The following PAK2 variants were observed in gnomAD, a reference collection of about 807,000 sequenced individuals.
The protein encoded by PAK2 is p21 (RAC1) activated kinase 2.
Under a neutral mutation model 65.9 loss-of-function variants are expected in PAK2, and 21 were observed. The ratio of observed to expected loss-of-function variants is 0.32; its 90% confidence interval spans 0.23 to 0.46. The LOEUF (loss-of-function observed/expected upper bound fraction) is 0.46. PAK2 is among the 20% of genes least tolerant of loss of function. PAK2 has a pLI of 1.00. For missense variants in PAK2, 324 were observed against 642.6 expected (o/e 0.50, Z 5.36); for synonymous variants, 204 against 219.7 (o/e 0.93, Z 0.63).
intron 12 of PAK2, among the ~76,000 whole-genome samples, chr3:196,818,520 C>T (rs903453276): frequency 6.6e-6 from 1 of 152,150 alleles, no homozygotes; most frequent in Non-Finnish European, 1.5e-5. Flanking sequence ...GTGTGCACCA[C>T]CACACCCAGC....
chr3:196,760,214 G>A (rs1350158698), intron 1 of PAK2, among the ~76,000 whole-genome samples: 1 of 152,156 alleles, frequency 6.6e-6, no homozygotes, highest in East Asian at 1.9e-4. Context: ...CTCTTAAGTA[G>A]CTGGGATGGT....
At chr3:196,795,474 AAAC>A (rs1246377553) in intron 2 of PAK2, among the ~76,000 whole-genome samples, 8 of 152,030 alleles carry the variant, frequency 5.3e-5, no homozygotes, top group East Asian at 3.9e-4. Flanking sequence ...TTCAAACCAA[AAAC>A]AACAACAACA....
intron 13 of PAK2, among the ~76,000 whole-genome samples, chr3:196,822,651 T>TA (rs1299068083): frequency 3.9e-5 from 6 of 152,206 alleles, no homozygotes; most frequent in South Asian, 4.2e-4. Flanking sequence ...AGTGAGCTGT[T>TA]ATCACATCAC....
chr3:196,812,372 C>T, intron 9 of PAK2, 105 bp downstream of exon 9: 5 of 766,482 alleles, frequency 6.5e-6, no homozygotes, highest in South Asian at 2.8e-5. Context: ...AAGTTGAGCC[C>T]GTTGTAAGAA....
At chr3:196,794,953 A>G (rs1379076044) in intron 2 of PAK2, among the ~76,000 whole-genome samples, 1 of 152,224 alleles carries the variant, frequency 6.6e-6, no homozygotes, top group Non-Finnish European at 1.5e-5. Flanking sequence ...AGGAAAAGAA[A>G]GAAAATCAAC....
At chr3:196,802,989 A>G (rs749060657) in intron 3 of PAK2, 28 bp from the exon 4 acceptor site, 8 of 1,487,216 alleles carry the variant, frequency 5.4e-6, no homozygotes, top group Non-Finnish European at 7.2e-6. Flanking sequence ...TTTAAACCAT[A>G]ACTAATTTCT....
chr3:196,798,339 T>TTTCTTTTCTCTTTTTTTTTTTGGA (rs1715321021), intron 2 of PAK2, among the ~76,000 whole-genome samples: 1 of 137,960 alleles, frequency 7.2e-6, no homozygotes, highest in Non-Finnish European at 1.6e-5. Flanking sequence ...CCAACTTTTT[T>TTTCTTTTCTCTTTTTTTTTTTGGA]TTCTTTTCTC....
intron 1 of PAK2, among the ~76,000 whole-genome samples, chr3:196,768,919 A>G (rs1310677764): frequency 1.3e-5 from 2 of 151,780 alleles, no homozygotes; most frequent in Non-Finnish European, 2.9e-5. Context: ...CACCGCGCCC[A>G]GCCCCCCAGA....
At chr3:196,775,705 C>T in intron 1 of PAK2, among the ~76,000 whole-genome samples, 1 of 152,142 alleles carries the variant, frequency 6.6e-6, no homozygotes, top group East Asian at 1.9e-4. Flanking sequence ...AGGCTGTGTT[C>T]TGAAAGTTGC....
chr3:196,773,751 C>T (rs961417217), intron 1 of PAK2, among the ~76,000 whole-genome samples: 19 of 151,980 alleles, frequency 1.3e-4, no homozygotes, highest in African/African-American at 4.4e-4. Context: ...GTGGTATCCG[C>T]CTCCCAGCTA....
At chr3:196,781,448 C>G (rs1714711329) in intron 1 of PAK2, among the ~76,000 whole-genome samples, 1 of 152,152 alleles carries the variant, frequency 6.6e-6, no homozygotes, top group African/African-American at 2.4e-5. Context: ...AGCCATGTAG[C>G]TAAGACAGAT....
chr3:196,762,818 G>C (rs150735516), intron 1 of PAK2, among the ~76,000 whole-genome samples: 2,303 of 151,522 alleles, frequency 0.015, 104 homozygotes, highest in Admixed American at 0.097. Flanking sequence ...AAGAAGAAAA[G>C]TTAGAAGCCA....
intron 1 of PAK2, among the ~76,000 whole-genome samples, chr3:196,764,503 C>G (rs1184855937): frequency 6.6e-6 from 1 of 151,608 alleles, no homozygotes; most frequent in Non-Finnish European, 1.5e-5. Context: ...TCTGTAATCC[C>G]AGCTACTCGG....
chr3:196,755,054 C>CAATTAG (rs1713723718), intron 1 of PAK2, among the ~76,000 whole-genome samples: 1 of 152,122 alleles, frequency 6.6e-6, no homozygotes, highest in South Asian at 2.1e-4. Flanking sequence ...GTACAGTTGA[C>CAATTAG]CTTAAAGCTA....
rs1170572895 is a variant in PAK2 at position 196,832,455 on chromosome 3, T to C, written c.*4050T>C. ...TTTTGACTTTGTTCAATAATTTTGT[T>C]CTTTCAGGGCTAGAAATAAACTTTT... On this transcript the variant is annotated 3_prime_UTR_variant, in exon 15 of 15. Transcript: ENST00000327134. The C allele has an allele frequency of 2.0e-5, 3 of 152,230 alleles. No homozygotes were observed. Among genetic ancestry groups the C allele is most frequent in the Non-Finnish European group, 1.5e-5 (1 of 68,048 alleles). The allele number at this position is 152,230 out of a possible 1,614,324, so 9.4% of individuals were successfully genotyped here.
intron 12 of PAK2, among the ~76,000 whole-genome samples, chr3:196,818,900 T>A (rs1711562455): frequency 6.6e-6 from 1 of 152,174 alleles, no homozygotes; most frequent in Admixed American, 6.6e-5. Context: ...GATTAAATAT[T>A]TTAATTCTTA....
chr3:196,755,310 T>C (rs939201537), intron 1 of PAK2, among the ~76,000 whole-genome samples: 1 of 152,188 alleles, frequency 6.6e-6, no homozygotes, highest in Non-Finnish European at 1.5e-5. Context: ...ATTTTGCATC[T>C]GTTTGATAAA....
chr3:196,796,824 A>T (rs1715272919), intron 2 of PAK2, among the ~76,000 whole-genome samples: 1 of 152,250 alleles, frequency 6.6e-6, no homozygotes, highest in African/African-American at 2.4e-5. Context: ...GCTAAAAAAT[A>T]CTATCAGTGA....
At chr3:196,744,649 T>C (rs1233207325) in intron 1 of PAK2, among the ~76,000 whole-genome samples, 2 of 152,206 alleles carry the variant, frequency 1.3e-5, no homozygotes, top group African/African-American at 4.8e-5. Context: ...TAGTACCTTT[T>C]GTGTGTCGGA....
Sources: allele counts gnomAD v4.1 joint callset (sites outside exome capture counted in the v4.1 genomes callset), GRCh38; gene constraint gnomAD v4.1.1; transcripts MANE v1.5; gene names NCBI Gene and HGNC (gene_info 2026-07-23, HGNC 2026-07-21).